Variants in DYNC1H1 observed in about 807,000 individuals in gnomAD.
DYNC1H1 encodes the protein cytoplasmic dynein 1 heavy chain 1.
A neutral mutation model predicts 527.1 loss-of-function variants in DYNC1H1; 51 were observed. That is an observed-to-expected ratio of 0.10 (90% CI 0.08 to 0.12). The LOEUF (loss-of-function observed/expected upper bound fraction) is 0.12, where lower values mean the gene tolerates loss of function less well. DYNC1H1 is among the 10% of genes least tolerant of loss of function. The pLI is 1.00. For missense variants in DYNC1H1, 2,771 were observed against 5,971.8 expected (o/e 0.46, Z 17.66); for synonymous variants, 2,189 against 2,278.8 (o/e 0.96, Z 1.12).
Position 101,994,746 on chromosome 14 carries a change from A to G in DYNC1H1, c.3230A>G (p.Asn1077Ser), listed in dbSNP as rs764451677. 8.7e-5 allele frequency: 140 copies of G among 1,614,128 alleles called. No individual in the cohort carries two copies. Among genetic ancestry groups the G allele is most frequent in the Non-Finnish European group, 1.2e-4 (137 of 1,180,046 alleles). Residue 1077 changes from asparagine to serine, a missense_variant, in exon 13 of 78, where the codon AAC becomes AGC. Around this residue, in one of 32 missense-constraint regions of DYNC1H1, gnomAD observed 179 missense variants for 349.4 expected, o/e 0.51. Coordinates refer to ENST00000360184, the MANE Select transcript of DYNC1H1 (RefSeq NM_001376.5). ...TATAACAGACTTGGAGAAGATCTCA[A>G]CAAATGGCAGGCTCTCCTGGTCCAA... ...NIYNRLGEDL[N>S]KWQALLVQIR...
chr14:102,024,350 G>A (rs530909541), intron 43 of DYNC1H1, among the ~76,000 whole-genome samples: 2 of 152,308 alleles, frequency 1.3e-5, no homozygotes, highest in East Asian at 3.9e-4. Context: ...GGTGATAGAC[G>A]TGAGTAAGAG....
rs1449806701 is a variant in DYNC1H1 at position 102,007,572 on chromosome 14, C to T, written c.5817+464C>T. Reference sequence around the variant, plus strand: ...ACTGCTGTGTGTAGGCACTGAGCCCCTCACCTGAGGCGTGACTCTAATTTA... The same window carrying T: ...ACTGCTGTGTGTAGGCACTGAGCCCTTCACCTGAGGCGTGACTCTAATTTA... On this transcript the variant is annotated intron_variant, in intron 28 of 77. Coordinates refer to ENST00000360184, the MANE Select transcript of DYNC1H1 (RefSeq NM_001376.5). Among the ~76,000 whole-genome samples, 21 of 152,148 alleles carry T rather than the reference C, an allele frequency of 1.4e-4. 1 individual carries two copies. The highest frequency in any genetic ancestry group is 2.4e-4 in the Non-Finnish European group (16 of 68,024).
chr14:101,995,748 C>T (rs1481673261), intron 15 of DYNC1H1, among the ~76,000 whole-genome samples: 1 of 151,978 alleles, frequency 6.6e-6, no homozygotes, highest in Non-Finnish European at 1.5e-5. Context: ...TCTGTTACAA[C>T]AGCCTGATGT....
intron 4 of DYNC1H1, 139 bp from the exon 5 acceptor site, chr14:101,980,225 T>C: frequency 8.2e-7 from 1 of 1,221,310 alleles, no homozygotes; most frequent in Non-Finnish European, 1.2e-6. Context: ...TGATTTCAAA[T>C]CAAGCCACTT....
chr14:102,043,740 G>A (rs1245785005), intron 69 of DYNC1H1, 135 bp from the exon 70 acceptor site: 3 of 1,201,222 alleles, frequency 2.5e-6, no homozygotes, highest in East Asian at 2.4e-5. Flanking sequence ...CCTAGCAGCA[G>A]TACTCATGTG....
rs139842853 is a variant in DYNC1H1 at position 102,005,114 on chromosome 14, G to A, written c.5311G>A (p.Gly1771Arg). The A allele has an allele frequency of 4.8e-5, 77 of 1,614,058 alleles. No homozygotes were observed. Among genetic ancestry groups the A allele is most frequent in the African/African-American group, 2.3e-4 (17 of 74,924 alleles). Reference sequence around the variant, plus strand: ...GGAGACCGCACTGAGCAGCATGGGCGGAGGTGGAGATGCCGCGCCCTTGCA... The same window carrying A: ...GGAGACCGCACTGAGCAGCATGGGCAGAGGTGGAGATGCCGCGCCCTTGCA... ...NVETALSSMG[G>R]GGDAAPLHSV... Residue 1771 changes from glycine to arginine, a missense_variant, in exon 26 of 78, where the codon GGA (glycine) becomes AGA (arginine). Transcript: ENST00000360184. The surrounding 1 kb of genome is among the most constrained non-coding windows in gnomAD (Gnocchi z 4.0).
chr14:102,029,445 C>A lies in DYNC1H1; in HGVS notation c.9469-94C>A. Reference sequence around the variant, plus strand: ...GCCCCGAGGGCCAGGCTCCTTCTATCATGTCACACCCATCTGCCAAGGCCA... The same window carrying A: ...GCCCCGAGGGCCAGGCTCCTTCTATAATGTCACACCCATCTGCCAAGGCCA... On this transcript the variant is annotated intron_variant, in intron 48 of 77. Coordinates refer to ENST00000360184, the MANE Select transcript of DYNC1H1 (RefSeq NM_001376.5). This position sits in a 1 kb window ranked among gnomAD's most constrained non-coding sequence, Gnocchi z 5.3. 6.5e-7 allele frequency: 1 copy of A among 1,549,124 alleles called. No individual in the cohort carries two copies. Among genetic ancestry groups the A allele is most frequent in the Non-Finnish European group, 8.8e-7 (1 of 1,132,078 alleles).
chr14:102,032,154 G>T, intron 51 of DYNC1H1, 118 bp from the exon 52 acceptor site: 3 of 1,243,040 alleles, frequency 2.4e-6, no homozygotes, highest in Non-Finnish European at 3.5e-6. Flanking sequence ...CTTCTAAGCA[G>T]CTAGCTGTCC....
chr14:102,049,308 G>A lies in DYNC1H1; in HGVS notation c.13373-132G>A, dbSNP rs985789268. The A allele has an allele frequency of 8.2e-6, 11 of 1,337,972 alleles. No homozygotes were observed. Among genetic ancestry groups the A allele is most frequent in the Non-Finnish European group, 1.1e-5 (11 of 960,064 alleles). 82.9% of individuals were successfully genotyped at this position (1,337,972 alleles called of 1,614,324 possible). A position where few individuals can be genotyped will look rare whatever the true frequency, so the allele number is the denominator to read the frequency against. ...CGCCAGGGGCATAAAGTGCAGCCTG[G>A]GAAAGGCAGTAGGTGGAGCCGCCAG... On this transcript the variant is annotated intron_variant, in intron 74 of 77. Coordinates refer to ENST00000360184, the MANE Select transcript of DYNC1H1 (RefSeq NM_001376.5). This position sits in a 1 kb window ranked among gnomAD's most constrained non-coding sequence, Gnocchi z 5.5.
At position 102,055,261 on chromosome 14, in the gene DYNC1H1, C is replaced by G. The variant is rs2048863752; in HGVS notation, c.*4698C>G. ...TCCAGCATGCACTTTATGACCATCACTCTGCTCCTCCTGCATCAGCGCCCC... is the reference window on the plus strand; with the variant it reads ...TCCAGCATGCACTTTATGACCATCAGTCTGCTCCTCCTGCATCAGCGCCCC... On this transcript the variant is annotated 3_prime_UTR_variant, in exon 78 of 78. Transcript: ENST00000360184. 1 of 152,354 alleles carries G rather than the reference C, an allele frequency of 6.6e-6. No individual in the cohort carries two copies. The highest frequency in any genetic ancestry group is 1.5e-5 in the Non-Finnish European group (1 of 68,168). 9.4% of individuals were successfully genotyped at this position (152,354 alleles called of 1,614,324 possible).
In DYNC1H1 at chr14:102,033,683, A is replaced by G. The variant is rs2152591940; in HGVS notation, c.10413+199A>G. ...GTTGTTAATTAGGATAGATTGATAC[A>G]AACTGGACACTTTTCAGCCGTTGAA... On this transcript the variant is annotated intron_variant, in intron 54 of 77. Coordinates refer to ENST00000360184, the MANE Select transcript of DYNC1H1 (RefSeq NM_001376.5). The surrounding 1 kb of genome is among the most constrained non-coding windows in gnomAD (Gnocchi z 5.6). 1 of 751,680 alleles carries G rather than the reference A, an allele frequency of 1.3e-6. No individual in the cohort carries two copies. The highest frequency in any genetic ancestry group is 2.7e-5 in the East Asian group (1 of 37,196). 46.6% of individuals were successfully genotyped at this position (751,680 alleles called of 1,614,324 possible).
intron 23 of DYNC1H1, among the ~76,000 whole-genome samples, chr14:102,003,391 AACTGGGATTACAGGTGCCCACCACCAC>A (rs1279775464): frequency 6.6e-6 from 1 of 151,686 alleles, no homozygotes; most frequent in Non-Finnish European, 1.5e-5. Context: ...CCTCCTGAGT[AACTGGGATTACAGGTGCCCACCACCAC>A]ACCCGGCTAA....
intron 2 of DYNC1H1, among the ~76,000 whole-genome samples, chr14:101,977,838 G>A (rs997759279): frequency 3.9e-5 from 6 of 152,224 alleles, no homozygotes; most frequent in Non-Finnish European, 7.3e-5. Context: ...CTTTCTCAAT[G>A]TGTTACATCA....
chr14:101,975,527 C>G (rs2047791124), intron 1 of DYNC1H1, among the ~76,000 whole-genome samples, 185 bp from the exon 2 acceptor site: 1 of 152,074 alleles, frequency 6.6e-6, no homozygotes, highest in African/African-American at 2.4e-5. Flanking sequence ...CCGCCTTGCC[C>G]AAAGTCACAC....
At position 102,036,038 on chromosome 14, in the gene DYNC1H1, G is replaced by A. The variant is rs148252026; in HGVS notation, c.10755-451G>A. On this transcript the variant is annotated intron_variant, in intron 56 of 77. Transcript: ENST00000360184. The surrounding 1 kb of genome is among the most constrained non-coding windows in gnomAD (Gnocchi z 5.6). ...GTTCGATAACAGTGTCAGCCTCATA[G>A]GGCTGTTATGAGGATTACGTGACGT... The A allele has an allele frequency of 4.1e-4, 87 of 209,762 alleles. 3 individuals are homozygous for A. The highest frequency in any genetic ancestry group is 1.9e-3 in the Middle Eastern group (1 of 524). 13.0% of individuals were successfully genotyped at this position (209,762 alleles called of 1,614,324 possible).
In DYNC1H1 at chr14:101,964,774, C is replaced by G. The variant is rs765882472; in HGVS notation, c.83C>G (p.Ser28Trp). Residue 28 changes from serine (S) to tryptophan (W), a missense_variant, in exon 1 of 78, where the codon TCG becomes TGG. By Grantham distance (177) the Ser-to-Trp change is radical. This residue lies in a region of DYNC1H1 where 101 missense variants were observed against 105.3 expected (regional missense o/e 0.96). Coordinates refer to ENST00000360184, the MANE Select transcript of DYNC1H1 (RefSeq NM_001376.5). This position sits in a 1 kb window ranked among gnomAD's most constrained non-coding sequence, Gnocchi z 5.5. ...VSAVQNVADV[S>W]VLQKHLRKLV... ...GCCGTGCAGAATGTGGCGGACGTGT[C>G]GGTGCTGCAGAAGCACCTGCGCAAG... 6 of 1,600,136 alleles carry G rather than the reference C, an allele frequency of 3.7e-6. No individual in the cohort carries two copies. Among genetic ancestry groups the G allele is most frequent in the East Asian group, 4.5e-5 (2 of 44,476 alleles).
In DYNC1H1 at chr14:102,016,155, A is replaced by G. The variant is rs777256432; in HGVS notation, c.7473+69A>G. The stretch of plus-strand genomic sequence containing the variant: ...GACCACAGGTCTGAGGACCTCTGAA[A>G]TGCTGCACCTGTGGGGATGTGCGCT... On this transcript the variant is annotated intron_variant, in intron 36 of 77. Coordinates refer to ENST00000360184, the MANE Select transcript of DYNC1H1 (RefSeq NM_001376.5). The surrounding 1 kb of genome is among the most constrained non-coding windows in gnomAD (Gnocchi z 7.3). 1.8e-5 allele frequency: 27 copies of G among 1,541,620 alleles called. No individual in the cohort carries two copies. The highest frequency in any genetic ancestry group is 2.3e-5 in the Non-Finnish European group (26 of 1,138,686).
In DYNC1H1 at chr14:102,039,198, C is replaced by T; in HGVS notation, c.11404C>T (p.Leu3802Phe). 6.2e-7 allele frequency: 1 copy of T among 1,614,136 alleles called. No homozygotes were observed. The highest frequency in any genetic ancestry group is 8.5e-7 in the Non-Finnish European group (1 of 1,180,024). The change falls in exon 60 of 78, where the codon CTC becomes TTC. Residue 3802 changes from leucine to phenylalanine, a missense_variant. By Grantham distance (22) the Leu-to-Phe change is conservative. Coordinates refer to ENST00000360184, the MANE Select transcript of DYNC1H1 (RefSeq NM_001376.5). The surrounding 1 kb of genome is among the most constrained non-coding windows in gnomAD (Gnocchi z 7.0). ...GGTGGAGACCGTGTCCCAGCAGTAC[C>T]TCCCGCTCTCCACCGCCTGCAGCAG... ...QEVETVSQQYLPLSTACSSIY... is the reference protein window; with the variant it reads ...QEVETVSQQYFPLSTACSSIY...
chr14:102,034,225 C>T, intron 55 of DYNC1H1, 37 bp downstream of exon 55: 1 of 1,614,152 alleles, frequency 6.2e-7, no homozygotes, highest in Non-Finnish European at 8.5e-7. Context: ...GATGTGCGAG[C>T]AGTGTGAGGC....
Sources: gnomAD v4.1 joint callset for allele counts (sites outside exome capture counted in the v4.1 genomes callset) on GRCh38, gnomAD v4.1.1 for gene constraint, gnomAD v4.1.1 regional missense constraint, Gnocchi (gnomAD v3.1) non-coding constraint, MANE v1.5 for transcripts, NCBI Gene and HGNC (gene_info 2026-07-23, HGNC 2026-07-21) for gene names.